EVL: variants seen among roughly 807,000 people sequenced by gnomAD.
The protein encoded by EVL is Enah/Vasp-like.
A neutral mutation model predicts 59.6 loss-of-function variants in EVL; 21 were observed. The ratio of observed to expected loss-of-function variants is 0.35; its 90% CI spans 0.25 to 0.51. The LOEUF is 0.51. Among genes scored for constraint, EVL ranks in the 20% least tolerant of loss-of-function variants. The pLI is 0.97. For missense variants in EVL, 462 were observed against 546.6 expected (o/e 0.85, Z 1.54); for synonymous variants, 198 against 203.5 (o/e 0.97, Z 0.23).
intron 8 of EVL, 69 bp from the exon 9 acceptor site, chr14:100,135,836 G>A: frequency 7.4e-7 from 1 of 1,355,758 alleles, no homozygotes; most frequent in Non-Finnish European, 1.1e-6. Flanking sequence ...GTTTTATGAA[G>A]TGTCCAATGA....
At chr14:100,047,454 C>CCACTGAGCTCCGTTG (rs1233161697) in intron 1 of EVL, among the ~76,000 whole-genome samples, 2 of 152,086 alleles carry the variant, frequency 1.3e-5, no homozygotes, top group Admixed American at 1.3e-4. Context: ...TCCGTTCTTT[C>CCACTGAGCTCCGTTG]CACTGAGCTC....
At chr14:100,115,779 A>C (rs1887303697) in intron 3 of EVL, among the ~76,000 whole-genome samples, 1 of 152,176 alleles carries the variant, frequency 6.6e-6, no homozygotes, top group Non-Finnish European at 1.5e-5. Flanking sequence ...TAGAAAATTC[A>C]CGCCGGGTTC....
At chr14:100,123,906 T>G (rs1402695570) in intron 4 of EVL, among the ~76,000 whole-genome samples, 1 of 152,200 alleles carries the variant, frequency 6.6e-6, no homozygotes, top group African/African-American at 2.4e-5. Flanking sequence ...GCTCCCTTGT[T>G]GCCTCACTTG....
chr14:100,133,997 GCTC>G (rs986478494), intron 8 of EVL, among the ~76,000 whole-genome samples: 1 of 152,154 alleles, frequency 6.6e-6, no homozygotes, highest in Non-Finnish European at 1.5e-5. Flanking sequence ...GCCTCACAAA[GCTC>G]CTCACTACTT....
chr14:100,126,855 CG>C (rs1888106730), intron 5 of EVL, 84 bp downstream of exon 5: 3 of 1,366,716 alleles, frequency 2.2e-6, no homozygotes, highest in Non-Finnish European at 3.1e-6. Flanking sequence ...CAGGGACACA[CG>C]GGGCGCTCTG....
chr14:100,072,465 T>TGAC (rs2062069001), intron 1 of EVL, among the ~76,000 whole-genome samples: 1 of 152,208 alleles, frequency 6.6e-6, no homozygotes, highest in Non-Finnish European at 1.5e-5. Context: ...GAACTCCTGA[T>TGAC]CTCAGGTGAT....
intron 1 of EVL, among the ~76,000 whole-genome samples, chr14:100,081,834 T>A (rs2062314779): frequency 6.6e-6 from 1 of 152,202 alleles, no homozygotes; most frequent in Non-Finnish European, 1.5e-5. Context: ...GCGCAGTGGC[T>A]CACGCCTGTA....
At chr14:100,129,184 A>G (rs4905932) in intron 6 of EVL, among the ~76,000 whole-genome samples, 99,572 of 152,094 alleles carry the variant, frequency 0.65, 33,427 homozygotes, top group African/African-American at 0.8. Flanking sequence ...CATATGTTCT[A>G]GAACTGTGCT....
intron 2 of EVL, 33 bp downstream of exon 2, chr14:100,084,888 G>T: frequency 6.2e-7 from 1 of 1,609,132 alleles, no homozygotes; most frequent in Non-Finnish European, 8.5e-7. Flanking sequence ...ATACCCGTGA[G>T]CCTGCGCACC....
chr14:100,132,673 G>GC (rs1411680048), intron 7 of EVL, 46 bp from the exon 8 acceptor site: 6 of 1,602,814 alleles, frequency 3.7e-6, no homozygotes, highest in Non-Finnish European at 5.1e-6. Context: ...GGGACAGTGA[G>GC]AGAACGTGAG....
At chr14:100,024,936 G>T (rs770561878) in intron 1 of EVL, among the ~76,000 whole-genome samples, 1 of 151,668 alleles carries the variant, frequency 6.6e-6, no homozygotes, top group South Asian at 2.1e-4. Flanking sequence ...TCCACATCTC[G>T]TCTCTCATCC....
intron 13 of EVL, 157 bp downstream of exon 13, chr14:100,141,950 A>G: frequency 1.7e-6 from 1 of 577,962 alleles, no homozygotes; most frequent in East Asian, 3.0e-5. Context: ...TTGAGGAAAC[A>G]GGCTCAGGAA....
intron 1 of EVL, among the ~76,000 whole-genome samples, chr14:99,979,590 C>G (rs1372243008): frequency 6.6e-6 from 1 of 152,028 alleles, no homozygotes; most frequent in Non-Finnish European, 1.5e-5. Flanking sequence ...ATGGTTGTGG[C>G]TGGGTGCGGT....
Position 100,141,772 on chromosome 14 carries a change from G to A in EVL, c.1198G>A (p.Val400Met), listed in dbSNP as rs1889182827. The A allele has an allele frequency of 1.2e-6, 2 of 1,613,376 alleles. No homozygotes were observed. Among genetic ancestry groups the A allele is most frequent in the South Asian group, 2.2e-5 (2 of 91,076 alleles). ...LEEVVRELHKVKEEIIDAIRQ... is the reference protein window; with the variant it reads ...LEEVVRELHKMKEEIIDAIRQ... ...GGAGGTGGTGAGAGAGCTCCACAAGGTGAAGGAGGAGATCATCGACGGTGA... is the reference window on the plus strand; with the variant it reads ...GGAGGTGGTGAGAGAGCTCCACAAGATGAAGGAGGAGATCATCGACGGTGA... The change falls in exon 13 of 14, where the codon GTG becomes ATG. Residue 400 changes from valine (V) to methionine (M), a missense_variant. Physicochemically the swap from Val to Met is conservative, Grantham distance 21. Coordinates refer to ENST00000392920, the MANE Select transcript of EVL (RefSeq NM_016337.3).
At chr14:100,024,263 A>T (rs780685877) in intron 1 of EVL, among the ~76,000 whole-genome samples, 2 of 152,132 alleles carry the variant, frequency 1.3e-5, no homozygotes. Flanking sequence ...TTGCCCTTTC[A>T]CTGGAATATT....
At chr14:100,031,961 C>T (rs1487279284) in intron 1 of EVL, among the ~76,000 whole-genome samples, 2 of 152,238 alleles carry the variant, frequency 1.3e-5, no homozygotes, top group South Asian at 4.1e-4. Flanking sequence ...AGCGCCCCCT[C>T]GCAGGGCTCC....
intron 1 of EVL, among the ~76,000 whole-genome samples, chr14:100,042,033 A>G (rs375879852): frequency 1.3e-5 from 2 of 152,368 alleles, no homozygotes. Flanking sequence ...ATATGAACTA[A>G]AGTAAAAAGA....
chr14:100,126,764 G>T lies in EVL; in HGVS notation c.480G>T (p.Ser160=), dbSNP rs759831187. The T allele has an allele frequency of 2.5e-6, 4 of 1,613,798 alleles. No homozygotes were observed. The highest frequency in any genetic ancestry group is 2.7e-5 in the African/African-American group (2 of 75,020). Residue 160 remains serine (S), a synonymous_variant, in exon 5 of 14, where the codon TCG becomes TCT. Coordinates refer to ENST00000392920, the MANE Select transcript of EVL (RefSeq NM_016337.3). Reference sequence around the variant, plus strand: ...AGGAATCTCTAGAAAGAAGAACCTCGGCCACAGGTGAGAGCCCTCCTCCCC... The same window carrying T: ...AGGAATCTCTAGAAAGAAGAACCTCTGCCACAGGTGAGAGCCCTCCTCCCC... ...QRQESLERRT[S]ATGPILPPGH...
chr14:100,087,372 GGGAGGCCAA>G (rs1423945555), intron 2 of EVL, among the ~76,000 whole-genome samples: 2 of 152,158 alleles, frequency 1.3e-5, no homozygotes, highest in African/African-American at 4.8e-5. Flanking sequence ...CCAACACTTT[GGGAGGCCAA>G]GGCAGGTGGA....
Sources: allele counts gnomAD v4.1 joint callset (sites outside exome capture counted in the v4.1 genomes callset), GRCh38; gene constraint gnomAD v4.1.1; transcripts MANE v1.5; gene names NCBI Gene and HGNC (gene_info 2026-07-23, HGNC 2026-07-21).